Variants in DIP2C observed in about 807,000 individuals in gnomAD.
The protein encoded by DIP2C is disco-interacting protein 2 homolog C.
In DIP2C, 33 loss-of-function variants were observed where a neutral mutation model predicts 192.4. That is an observed-to-expected ratio of 0.17 (90% confidence interval 0.13 to 0.23). The LOEUF (loss-of-function observed/expected upper bound fraction) is 0.23, where lower values mean the gene tolerates loss of function less well. Among genes scored for constraint, DIP2C ranks in the 10% least tolerant of loss-of-function variants. The pLI is 1.00. For synonymous variants in DIP2C, 979 were observed against 864.1 expected (o/e 1.13, Z -2.33); for missense variants, 1,537 against 2,110.1 (o/e 0.73, Z 5.32).
intron 19 of DIP2C, 131 bp from the exon 20 acceptor site, chr10:364,713 G>A: frequency 1.9e-6 from 2 of 1,035,600 alleles, no homozygotes; most frequent in African/African-American, 1.6e-5. Flanking sequence ...CTGCCCTAGG[G>A]CCGAGGTCAC....
intron 1 of DIP2C, chr10:669,220 C>A (rs1857298199): frequency 6.6e-6 from 1 of 152,142 alleles, no homozygotes; most frequent in African/African-American, 2.4e-5. Context: ...AGAAAAAGTT[C>A]TTTCCCAAGG....
intron 1 of DIP2C, among the ~76,000 whole-genome samples, chr10:609,530 A>G (rs11253279): frequency 0.014 from 2,204 of 152,280 alleles, 29 homozygotes; most frequent in Middle Eastern, 0.041. Flanking sequence ...AAGATTTCAT[A>G]ATTAACTCAA....
chr10:556,421 C>G (rs1446798258), intron 1 of DIP2C, among the ~76,000 whole-genome samples: 1 of 132,522 alleles, frequency 7.5e-6, no homozygotes, highest in African/African-American at 3.1e-5. Context: ...ACACTCGGAC[C>G]TCAGAGTGTC....
chr10:489,866 G>T (rs4348822), intron 1 of DIP2C, among the ~76,000 whole-genome samples: 1 of 35,036 alleles, frequency 2.9e-5, no homozygotes. Flanking sequence ...GACAGTGCCC[G>T]GGGCTTCCTC....
intron 32 of DIP2C, among the ~76,000 whole-genome samples, chr10:302,665 A>G (rs1372625439): frequency 6.6e-6 from 1 of 152,236 alleles, no homozygotes; most frequent in African/African-American, 2.4e-5. Flanking sequence ...CCTATGCTGT[A>G]TGGTACGGCC....
At chr10:583,589 C>CT (rs914406525) in intron 1 of DIP2C, among the ~76,000 whole-genome samples, 6 of 152,212 alleles carry the variant, frequency 3.9e-5, no homozygotes, top group Non-Finnish European at 8.8e-5. Context: ...ACAGCCTCAC[C>CT]TGGGCCTCGC....
intron 1 of DIP2C, among the ~76,000 whole-genome samples, chr10:653,444 G>A (rs1189145667): frequency 6.6e-6 from 1 of 152,084 alleles, no homozygotes; most frequent in Non-Finnish European, 1.5e-5. Context: ...CGAGACTCTT[G>A]TTTCAAAAAT....
chr10:344,514 T>C (rs1471768971), intron 28 of DIP2C, among the ~76,000 whole-genome samples: 2 of 152,192 alleles, frequency 1.3e-5, no homozygotes, highest in Non-Finnish European at 2.9e-5. Flanking sequence ...CAGAAATTTA[T>C]CACAGAGCGT....
chr10:459,278 G>A (rs377394827), intron 3 of DIP2C, among the ~76,000 whole-genome samples: 12 of 151,756 alleles, frequency 7.9e-5, no homozygotes, highest in African/African-American at 2.7e-4. Flanking sequence ...AGACATGGCC[G>A]TGTCATTCTG....
rs548295635 is a variant in DIP2C, at chr10:451,650, G to A, written c.269-10654C>T. 1.6e-4 allele frequency among the ~76,000 whole-genome samples: 25 copies of A among 152,272 alleles called. No individual in the cohort carries two copies. The South Asian group carries it at 3.3e-3, about 20-fold the overall frequency. ...ATATTAACAGTAGCCATTTCAGGAT[G>A]ACAAGATGACAACGTATTGTTTTTT... On this transcript the variant is annotated intron_variant, in intron 3 of 36. Transcript: ENST00000280886.
chr10:650,301 C>T, intron 1 of DIP2C: 1 of 716,916 alleles, frequency 1.4e-6, no homozygotes, highest in Non-Finnish European at 2.6e-6. Flanking sequence ...GGCCAGGGAC[C>T]ATGGTGCCCG....
intron 1 of DIP2C, among the ~76,000 whole-genome samples, chr10:545,924 G>A (rs1848263970): frequency 6.6e-6 from 1 of 152,158 alleles, no homozygotes; most frequent in Non-Finnish European, 1.5e-5. Context: ...GTTTAAGCCG[G>A]TGGTTTTCAA....
intron 1 of DIP2C, among the ~76,000 whole-genome samples, chr10:551,588 C>A (rs1381065808): frequency 6.6e-6 from 1 of 152,244 alleles, no homozygotes; most frequent in Non-Finnish European, 1.5e-5. Flanking sequence ...GTCACAGCAG[C>A]ATGTCCATCT....
intron 1 of DIP2C, among the ~76,000 whole-genome samples, chr10:624,150 G>A (rs1436570687): frequency 2.0e-5 from 3 of 152,206 alleles, no homozygotes; most frequent in South Asian, 2.1e-4. Flanking sequence ...GCCGCACGGC[G>A]AGGCCCCCAG....
chr10:646,955 T>G, intron 1 of DIP2C, among the ~76,000 whole-genome samples: 1 of 152,268 alleles, frequency 6.6e-6, no homozygotes, highest in Non-Finnish European at 1.5e-5. Context: ...AAAACAATGT[T>G]TCTTCCTTTC....
intron 1 of DIP2C, among the ~76,000 whole-genome samples, chr10:598,929 C>A (rs1017855524): frequency 6.6e-5 from 10 of 152,234 alleles, no homozygotes; most frequent in African/African-American, 2.4e-4. Context: ...GAAAAGACTG[C>A]CTCAAGGAAC....
At chr10:377,478 G>GTCACGTGATTTTCATCTCGAAACTAC (rs1961758330) in intron 17 of DIP2C, among the ~76,000 whole-genome samples, 1 of 152,218 alleles carries the variant, frequency 6.6e-6, no homozygotes, top group South Asian at 2.1e-4. Context: ...CATGGTCTGG[G>GTCACGTGATTTTCATCTCGAAACTAC]TCACGTGATT....
At chr10:539,311 AT>A (rs1407702885) in intron 1 of DIP2C, among the ~76,000 whole-genome samples, 11 of 151,654 alleles carry the variant, frequency 7.3e-5, no homozygotes, top group South Asian at 4.1e-4. Flanking sequence ...GATCAAGAAT[AT>A]TTTTTTAATG....
At chr10:478,008 AGAGGG>A (rs1554874341) in intron 2 of DIP2C, among the ~76,000 whole-genome samples, 1 of 4,046 alleles carries the variant, frequency 2.5e-4, no homozygotes, top group Non-Finnish European at 4.3e-4. Context: ...AGAGGAAAAA[AGAGGG>A]GAGGGGAGGG....
Sources: allele counts gnomAD v4.1 joint callset (sites outside exome capture counted in the v4.1 genomes callset), GRCh38; gene constraint gnomAD v4.1.1; transcripts MANE v1.5; gene names NCBI Gene and HGNC (gene_info 2026-07-23, HGNC 2026-07-21).